Variants in ENPP6 observed in about 807,000 individuals in gnomAD.
The protein encoded by ENPP6 is ectonucleotide pyrophosphatase/phosphodiesterase 6.
A neutral mutation model predicts 42.0 loss-of-function variants in ENPP6; 32 were observed. The ratio of observed to expected loss-of-function variants is 0.76; its 90% CI spans 0.58 to 1.02. The LOEUF (loss-of-function observed/expected upper bound fraction) is 1.02. ENPP6 is among the 50% of genes least tolerant of loss of function. ENPP6 has a pLI of 0.00. For missense variants in ENPP6, 552 were observed against 566.8 expected (o/e 0.97, Z 0.27); for synonymous variants, 213 against 216.0 (o/e 0.99, Z 0.12).
chr4:184,171,673 C>T (rs552829006), intron 1 of ENPP6, among the ~76,000 whole-genome samples: 1 of 152,330 alleles, frequency 6.6e-6, no homozygotes, highest in South Asian at 2.1e-4. Context: ...ATTCCAAGAC[C>T]ATGGCTGTAG....
chr4:184,103,181 G>A (rs1736034023), intron 6 of ENPP6, among the ~76,000 whole-genome samples: 1 of 152,352 alleles, frequency 6.6e-6, no homozygotes, highest in South Asian at 2.1e-4. Context: ...TGCTCCAACA[G>A]GTGCTTCATT....
chr4:184,204,960 C>T (rs946252615), intron 1 of ENPP6, among the ~76,000 whole-genome samples: 2 of 151,700 alleles, frequency 1.3e-5, no homozygotes, highest in African/African-American at 4.8e-5. Context: ...GATGAAGTTT[C>T]GCTCATGTTG....
chr4:184,173,539 G>A (rs1023507283), intron 1 of ENPP6, among the ~76,000 whole-genome samples: 3 of 152,206 alleles, frequency 2.0e-5, no homozygotes, highest in African/African-American at 4.8e-5. Context: ...TGTAGCTGGT[G>A]CCCAGAATTT....
rs1579617044 is a variant in ENPP6 at position 184,116,725 on chromosome 4, C to A, written c.855+131G>T. Reference sequence around the variant, plus strand: ...TCCAGCCTGGGCAATAAAAGTGAAACTCTGCCTCAAAAAAAGAAACAAACA... The same window carrying A: ...TCCAGCCTGGGCAATAAAAGTGAAAATCTGCCTCAAAAAAAGAAACAAACA... On this transcript the variant is annotated intron_variant, in intron 5 of 7. Transcript: ENST00000296741. 5.4e-6 allele frequency: 7 copies of A among 1,286,306 alleles called. No homozygotes were observed. In the East Asian group the frequency reaches 1.6e-4, roughly 30 times the overall value. The allele number at this position is 1,286,306 out of a possible 1,614,324, so 79.7% of individuals were successfully genotyped here.
At chr4:184,125,684 T>C (rs543954117) in intron 2 of ENPP6, among the ~76,000 whole-genome samples, 1 of 152,100 alleles carries the variant, frequency 6.6e-6, no homozygotes, top group African/African-American at 2.4e-5. Context: ...GCTTGATATG[T>C]TGGATTCAGG....
intron 6 of ENPP6, among the ~76,000 whole-genome samples, chr4:184,111,831 C>T (rs564349366): frequency 2.0e-5 from 3 of 152,322 alleles, no homozygotes; most frequent in South Asian, 4.1e-4. Flanking sequence ...AGCCTTCCTG[C>T]TGATCATCGC....
chr4:184,114,299 A>G (rs571368949), intron 5 of ENPP6, among the ~76,000 whole-genome samples: 2 of 152,278 alleles, frequency 1.3e-5, no homozygotes, highest in East Asian at 1.9e-4. Context: ...AGCCACTTAA[A>G]TATCTATGGC....
chr4:184,162,616 G>A (rs909806580), intron 1 of ENPP6, among the ~76,000 whole-genome samples: 1 of 149,066 alleles, frequency 6.7e-6, no homozygotes, highest in African/African-American at 2.6e-5. Context: ...AATGACTGGA[G>A]GGGAATGAGC....
intron 4 of ENPP6, 151 bp from the exon 5 acceptor site, chr4:184,117,186 A>T (rs753645007): frequency 7.0e-5 from 63 of 902,696 alleles, no homozygotes; most frequent in Non-Finnish European, 9.8e-5. Context: ...ACCCAGTTCA[A>T]AACCACAACA....
chr4:184,110,839 T>A (rs1463366552), intron 6 of ENPP6, among the ~76,000 whole-genome samples: 2 of 152,304 alleles, frequency 1.3e-5, no homozygotes, highest in Non-Finnish European at 2.9e-5. Context: ...GGGCTGTGAT[T>A]TATGACCAAG....
chr4:184,129,431 C>T (rs549892013), intron 2 of ENPP6, among the ~76,000 whole-genome samples: 19 of 152,186 alleles, frequency 1.2e-4, no homozygotes, highest in African/African-American at 2.9e-4. Context: ...TCCATAAGTA[C>T]GTTTCAACTT....
intron 1 of ENPP6, among the ~76,000 whole-genome samples, chr4:184,154,048 C>T (rs1009648506): frequency 6.6e-6 from 1 of 152,146 alleles, no homozygotes; most frequent in Non-Finnish European, 1.5e-5. Flanking sequence ...TTAGCATGGA[C>T]ATCTGTGGAT....
intron 1 of ENPP6, among the ~76,000 whole-genome samples, chr4:184,181,346 C>G (rs923407509): frequency 6.6e-6 from 1 of 152,090 alleles, no homozygotes; most frequent in Admixed American, 6.5e-5. Context: ...AACCACTGCT[C>G]AAGGAAATCA....
intron 6 of ENPP6, among the ~76,000 whole-genome samples, chr4:184,109,599 T>C (rs1215171439): frequency 6.6e-6 from 1 of 152,218 alleles, no homozygotes; most frequent in African/African-American, 2.4e-5. Context: ...TAATCTTATT[T>C]TTTCATACCC....
rs189188924 is a variant in ENPP6, at chr4:184,185,467, C to T, written c.242-31734G>A. Among the ~76,000 whole-genome samples the T allele has an allele frequency of 4.3e-3, 652 of 152,290 alleles. 8 individuals carry two copies. Among genetic ancestry groups the T allele is most frequent in the Non-Finnish European group, 3.9e-3 (262 of 68,018 alleles). ...GCGCTCTAGAGCCACATGGTCTCAG[C>T]CTCTGTGTGGGGTAGCAGGGAGGAG... On this transcript the variant is annotated intron_variant, in intron 1 of 7. Coordinates refer to ENST00000296741, the MANE Select transcript of ENPP6 (RefSeq NM_153343.4).
chr4:184,200,133 T>C (rs1193044928), intron 1 of ENPP6, among the ~76,000 whole-genome samples: 2 of 152,136 alleles, frequency 1.3e-5, no homozygotes, highest in Non-Finnish European at 2.9e-5. Flanking sequence ...GAGAGCAAAC[T>C]CATCTGGGAG....
At chr4:184,162,045 C>T (rs977570358) in intron 1 of ENPP6, among the ~76,000 whole-genome samples, 1 of 151,768 alleles carries the variant, frequency 6.6e-6, no homozygotes, top group African/African-American at 2.4e-5. Flanking sequence ...AGAAAAAAGG[C>T]ATCCAAGGTA....
intron 6 of ENPP6, among the ~76,000 whole-genome samples, chr4:184,111,856 C>CGG (rs1267884254): frequency 1.3e-5 from 2 of 152,178 alleles, no homozygotes; most frequent in African/African-American, 4.8e-5. Flanking sequence ...CCTCATGCCC[C>CGG]GGGGTGACTA....
chr4:184,166,698 G>T (rs1210132788), intron 1 of ENPP6, among the ~76,000 whole-genome samples: 2 of 152,158 alleles, frequency 1.3e-5, no homozygotes, highest in Non-Finnish European at 2.9e-5. Flanking sequence ...TCTTACAGAG[G>T]CTTCTCAAAA....
Sources: allele counts gnomAD v4.1 joint callset (sites outside exome capture counted in the v4.1 genomes callset), GRCh38; gene constraint gnomAD v4.1.1; transcripts MANE v1.5; gene names NCBI Gene and HGNC (gene_info 2026-07-23, HGNC 2026-07-21).